Variants in UNC13C observed in about 807,000 individuals in gnomAD.
UNC13C encodes protein unc-13 homolog C.
In UNC13C, 174 loss-of-function variants were observed where a neutral mutation model predicts 245.4. The observed-to-expected ratio is 0.71, with a 90% CI of 0.63 to 0.80. The LOEUF (loss-of-function observed/expected upper bound fraction) is 0.80, where lower values mean the gene tolerates loss of function less well. Ranked by LOEUF, UNC13C falls within the 30% of genes least tolerant of loss-of-function variation. The pLI is 0.00. For missense variants in UNC13C, 2,829 were observed against 2,602.9 expected, an observed-to-expected ratio of 1.09 and a Z score of -1.89; for synonymous variants, 992 against 895.1, an observed-to-expected ratio of 1.11 and a Z score of -1.93.
At chr15:54,038,124 A>ATATATATAT in intron 2 of UNC13C, among the ~76,000 whole-genome samples, 1 of 45,040 alleles carries the variant, frequency 2.2e-5, no homozygotes, top group African/African-American at 1.1e-4. Context: ...ATATATATAT[A>ATATATATAT]TTTTTTTTTT....
intron 17 of UNC13C, among the ~76,000 whole-genome samples, chr15:54,368,962 T>G (rs1310048484): frequency 1.3e-5 from 2 of 152,130 alleles, no homozygotes; most frequent in Non-Finnish European, 2.9e-5. Context: ...GTTAAACAAT[T>G]GTAGATTAAT....
intron 8 of UNC13C, among the ~76,000 whole-genome samples, chr15:54,260,748 TAA>T (rs1491275839): frequency 2.7e-5 from 4 of 149,042 alleles, no homozygotes; most frequent in Non-Finnish European, 4.5e-5. Flanking sequence ...GTTTTATATA[TAA>T]AGTTACGTAT....
At chr15:53,933,350 CAT>C in the UNC13C span, among the ~76,000 whole-genome samples, 17 of 151,838 alleles carry the variant, frequency 1.1e-4, no homozygotes, top group African/African-American at 4.1e-4. Context: ...TCAACATATG[CAT>C]ATATATATAC....
chr15:53,895,596 C>A, the UNC13C span, among the ~76,000 whole-genome samples: 1 of 152,044 alleles, frequency 6.6e-6, no homozygotes, highest in African/African-American at 2.4e-5. Context: ...GTAATACATA[C>A]AAATCCCTTG....
At chr15:54,404,476 T>A (rs2040253344) in intron 18 of UNC13C, among the ~76,000 whole-genome samples, 1 of 152,168 alleles carries the variant, frequency 6.6e-6, no homozygotes. Flanking sequence ...GACAGTCACA[T>A]AATGGTGGAA....
At chr15:54,445,453 T>C (rs2140997071) in intron 19 of UNC13C, among the ~76,000 whole-genome samples, 1 of 152,310 alleles carries the variant, frequency 6.6e-6, no homozygotes, top group Non-Finnish European at 1.5e-5. Context: ...CCACATCCTC[T>C]CCAGCACCTG....
At chr15:54,330,090 T>A (rs563900064) in intron 14 of UNC13C, among the ~76,000 whole-genome samples, 1 of 151,990 alleles carries the variant, frequency 6.6e-6, no homozygotes, top group South Asian at 2.1e-4. Flanking sequence ...CTAATGGGCA[T>A]GAAATAAGCA....
At chr15:54,448,901 A>C (rs1163293488) in intron 19 of UNC13C, among the ~76,000 whole-genome samples, 1 of 152,126 alleles carries the variant, frequency 6.6e-6, no homozygotes, top group Non-Finnish European at 1.5e-5. Flanking sequence ...ATGTTTTTGC[A>C]GTGGCTGGTA....
the UNC13C span, among the ~76,000 whole-genome samples, chr15:53,969,570 C>G: frequency 6.6e-6 from 1 of 151,264 alleles, no homozygotes; most frequent in Non-Finnish European, 1.5e-5. Flanking sequence ...CCTGTAGTCC[C>G]AGCTATTCAG....
Position 54,628,495 on chromosome 15 carries a change from T to C in UNC13C, c.*1382T>C, listed in dbSNP as rs184827805. 5 of 152,694 alleles carry C rather than the reference T, an allele frequency of 3.3e-5. No individual in the cohort carries two copies. The East Asian group carries it at 9.7e-4, about 30-fold the overall frequency. 9.5% of individuals were successfully genotyped at this position (152,694 alleles called of 1,614,324 possible). ...ATCACAGACCAGTGAGGTGAGCTAA[T>C]TCATGTTAAACTGTTAGGCCACTGC... On this transcript the variant is annotated 3_prime_UTR_variant, in exon 33 of 33. Coordinates refer to ENST00000260323, the MANE Select transcript of UNC13C (RefSeq NM_001080534.3).
At chr15:54,010,713 A>G (rs1026651020) in intron 1 of UNC13C, among the ~76,000 whole-genome samples, 30 of 152,218 alleles carry the variant, frequency 2.0e-4, no homozygotes, top group African/African-American at 7.2e-4. Flanking sequence ...GAGTCAAATT[A>G]TCATTAGGAA....
At chr15:54,521,195 G>A (rs1430015805) in intron 24 of UNC13C, among the ~76,000 whole-genome samples, 1 of 152,152 alleles carries the variant, frequency 6.6e-6, no homozygotes, top group South Asian at 2.1e-4. Context: ...ATATTGGAGA[G>A]TATGAAACCT....
intron 4 of UNC13C, among the ~76,000 whole-genome samples, chr15:54,157,182 G>A (rs1387510743): frequency 4.6e-5 from 7 of 152,206 alleles, no homozygotes; most frequent in African/African-American, 1.7e-4. Flanking sequence ...AATGGGACTT[G>A]AGAAGGGAAC....
At chr15:54,598,759 C>A (rs1566931853) in intron 30 of UNC13C, among the ~76,000 whole-genome samples, 1 of 151,994 alleles carries the variant, frequency 6.6e-6, no homozygotes, top group African/African-American at 2.4e-5. Context: ...ATACTTGAAG[C>A]AAAAAGATTA....
chr15:54,198,362 G>A (rs1163244464), intron 4 of UNC13C, among the ~76,000 whole-genome samples: 1 of 152,048 alleles, frequency 6.6e-6, no homozygotes, highest in Non-Finnish European at 1.5e-5. Flanking sequence ...CACAGCTGAT[G>A]TACTCTTGAA....
chr15:54,141,841 C>G (rs893399416), intron 2 of UNC13C, among the ~76,000 whole-genome samples: 4 of 152,178 alleles, frequency 2.6e-5, no homozygotes, highest in South Asian at 4.2e-4. Context: ...ACTGAAAAAT[C>G]TGCACCAAAA....
intron 4 of UNC13C, among the ~76,000 whole-genome samples, chr15:54,147,313 G>A (rs567450588): frequency 1.8e-4 from 28 of 151,354 alleles, no homozygotes; most frequent in Non-Finnish European, 3.5e-4. Context: ...TCTGCCTCCC[G>A]GGTTCATGCC....
chr15:54,548,995 A>G (rs1896614981), intron 27 of UNC13C, among the ~76,000 whole-genome samples: 1 of 152,124 alleles, frequency 6.6e-6, no homozygotes, highest in Non-Finnish European at 1.5e-5. Flanking sequence ...CAGAATAGCT[A>G]ATTTTCCTTC....
At chr15:54,056,658 T>G (rs1447976398) in intron 2 of UNC13C, among the ~76,000 whole-genome samples, 1 of 152,008 alleles carries the variant, frequency 6.6e-6, no homozygotes, top group East Asian at 1.9e-4. Context: ...CACATAATTG[T>G]CAGATTCACC....
Sources: allele counts gnomAD v4.1 joint callset (sites outside exome capture counted in the v4.1 genomes callset), GRCh38; gene constraint gnomAD v4.1.1; transcripts MANE v1.5; gene names NCBI Gene and HGNC (gene_info 2026-07-23, HGNC 2026-07-21).